TAB3: variants seen among roughly 807,000 people sequenced by gnomAD.
TAB3 encodes TGF-beta-activated kinase 1 and MAP3K7-binding protein 3.
Under a neutral mutation model 48.1 loss-of-function variants are expected in TAB3, and 18 were observed. That is an observed-to-expected ratio of 0.37 (90% CI 0.26 to 0.55). TAB3 has a LOEUF of 0.55. Among genes scored for constraint, TAB3 ranks in the 20% least tolerant of loss-of-function variants. The probability of loss-of-function intolerance (pLI) is 0.78; values close to 1 mark genes in which losing one functional copy is unlikely to be tolerated. For missense variants in TAB3, 414 were observed against 549.8 expected (o/e 0.75, Z 2.47); for synonymous variants, 185 against 190.2 (o/e 0.97, Z 0.22).
At chrX:30,863,622 T>C (rs749293275) in intron 4 of TAB3, among the ~76,000 whole-genome samples, 1 of 112,218 alleles carries the variant, frequency 8.9e-6, no homozygotes, top group Non-Finnish European at 1.9e-5. Context: ...CCATATTACA[T>C]GCCTGCTCTT....
chrX:30,830,508 G>C lies in TAB3; in HGVS notation c.*919C>G, dbSNP rs995396733. The C allele has an allele frequency of 8.9e-6, 1 of 112,061 alleles. No homozygotes were observed. The highest frequency in any genetic ancestry group is 1.9e-5 in the Non-Finnish European group (1 of 53,181). 9.2% of individuals were successfully genotyped at this position (112,061 alleles called of 1,213,427 possible). A position where few individuals can be genotyped will look rare whatever the true frequency, so the allele number is the denominator to read the frequency against. ...GTTTAAGAACCACAGCTGAGCTCAA[G>C]ATTTCCAAATGGATTTTGGAATGGA... On this transcript the variant is annotated 3_prime_UTR_variant, in exon 11 of 11. Coordinates refer to ENST00000288422, the MANE Select transcript of TAB3 (RefSeq NM_152787.5).
chrX:30,874,618 C>A (rs778595174), intron 1 of TAB3, among the ~76,000 whole-genome samples: 42 of 112,203 alleles, frequency 3.7e-4, no homozygotes, highest in African/African-American at 1.3e-3. Flanking sequence ...AAGTGAGTAG[C>A]AAGGATGTTG....
intron 2 of TAB3, among the ~76,000 whole-genome samples, chrX:30,871,297 C>T (rs1939655934): frequency 8.9e-6 from 1 of 112,256 alleles, no homozygotes; most frequent in South Asian, 3.7e-4. Flanking sequence ...TTGGAAGATT[C>T]GTATATCCCA....
At position 30,854,163 on chromosome X, in the gene TAB3, T is replaced by C; in HGVS notation, c.1502A>G (p.Tyr501Cys). ...TGATCCAGAACTAGAACTTCTCTGA[T>C]ATTTATGGCTTCCCTTTTCTCCCCC... Reference protein sequence around the residue: ...GSGGEKGSHKYQRSSSSGSDD... With the variant: ...GSGGEKGSHKCQRSSSSGSDD... Residue 501 changes from tyrosine to cysteine, a missense_variant, in exon 6 of 11, where the codon TAT becomes TGT. Transcript: ENST00000288422. 1 of 1,209,054 alleles carries C rather than the reference T, an allele frequency of 8.3e-7. No homozygotes were observed. The highest frequency in any genetic ancestry group is 1.1e-6 in the Non-Finnish European group (1 of 894,573).
chrX:30,868,538 TTATATATATA>T (rs1223730766), intron 2 of TAB3, among the ~76,000 whole-genome samples: 35 of 2,235 alleles, frequency 0.016, 11 homozygotes, highest in African/African-American at 0.091. Flanking sequence ...TATATATAGC[TTATATATATA>T]TATATATATA....
chrX:30,848,511 G>C (rs113911527), intron 7 of TAB3, among the ~76,000 whole-genome samples: 3,017 of 111,150 alleles, frequency 0.027, 121 homozygotes, highest in African/African-American at 0.094. Context: ...AACAGAGTGA[G>C]ACTCTGTCTC....
chrX:30,869,463 T>G lies in TAB3; in HGVS notation c.-279-1914A>C, dbSNP rs751841047. On this transcript the variant is annotated intron_variant, in intron 2 of 10. Transcript: ENST00000288422. ...GCCTATAAAAGTCACTGTGTGTTGA[T>G]TATCACTTTCAGCACTTAGTATATT... Among the ~76,000 whole-genome samples the G allele has an allele frequency of 1.2e-4, 13 of 112,499 alleles. No homozygotes were observed. In the South Asian group the frequency reaches 4.4e-3, roughly 38 times the overall value.
At chrX:30,846,337 A>G in intron 8 of TAB3, 1 of 361,349 alleles carries the variant, frequency 2.8e-6, no homozygotes. Flanking sequence ...AGAACAGTCT[A>G]AATGATAAGA....
rs944906623 is a variant in TAB3, at chrX:30,830,216, G to A, written c.*1211C>T. The A allele has an allele frequency of 3.6e-5, 4 of 111,967 alleles. No individual in the cohort carries two copies. Among genetic ancestry groups the A allele is most frequent in the Non-Finnish European group, 7.5e-5 (4 of 53,164 alleles). The allele number at this position is 111,967 out of a possible 1,213,427, so 9.2% of individuals were successfully genotyped here. On this transcript the variant is annotated 3_prime_UTR_variant, in exon 11 of 11. Coordinates refer to ENST00000288422, the MANE Select transcript of TAB3 (RefSeq NM_152787.5). Reference sequence around the variant, plus strand: ...ACAGTTATGTTAAATTTTAAAAGTTGTTTCAAAGTCCTCTATATTCACCTT... The same window carrying A: ...ACAGTTATGTTAAATTTTAAAAGTTATTTCAAAGTCCTCTATATTCACCTT...
intron 1 of TAB3, 148 bp from the exon 2 acceptor site, chrX:30,871,949 T>C (rs1045278677): frequency 8.9e-6 from 1 of 112,534 alleles, no homozygotes; most frequent in Non-Finnish European, 1.9e-5. Context: ...ATGAAACTTA[T>C]GTTTAATTGA....
intron 7 of TAB3, among the ~76,000 whole-genome samples, chrX:30,850,824 C>G (rs1601813785): frequency 2.4e-5 from 2 of 84,490 alleles, no homozygotes; most frequent in Admixed American, 2.9e-4. Flanking sequence ...CTACATTAGA[C>G]AGTTCTCCAC....
At chrX:30,871,174 A>G (rs1330823340) in intron 2 of TAB3, among the ~76,000 whole-genome samples, 1 of 112,516 alleles carries the variant, frequency 8.9e-6, no homozygotes, top group Non-Finnish European at 1.9e-5. Flanking sequence ...TATGGTTACA[A>G]TACCACTAAC....
At chrX:30,866,963 C>T (rs982453831) in intron 4 of TAB3, among the ~76,000 whole-genome samples, 152 bp downstream of exon 4, 1 of 109,434 alleles carries the variant, frequency 9.1e-6, no homozygotes, top group Non-Finnish European at 1.9e-5. Context: ...AGTGATAAGT[C>T]ACGTTGATAG....
intron 1 of TAB3, among the ~76,000 whole-genome samples, chrX:30,873,028 CAG>C (rs1039673520): frequency 1.8e-5 from 2 of 111,845 alleles, no homozygotes; most frequent in East Asian, 2.8e-4. Flanking sequence ...TGAAAAAAAG[CAG>C]AGAGGATTGT....
chrX:30,856,392 G>C (rs1277134230), intron 5 of TAB3, among the ~76,000 whole-genome samples: 3 of 112,102 alleles, frequency 2.7e-5, no homozygotes, highest in Non-Finnish European at 5.6e-5. Flanking sequence ...GGAGGTAATA[G>C]CAAACTGACA....
At chrX:30,839,012 T>C (rs1478137819) in intron 9 of TAB3, among the ~76,000 whole-genome samples, 1 of 110,257 alleles carries the variant, frequency 9.1e-6, no homozygotes, top group Non-Finnish European at 1.9e-5. Context: ...TCTTACTGCA[T>C]GGGCTAGGAA....
chrX:30,831,264 AT>A lies in TAB3; in HGVS notation c.*162del. On this transcript the variant is annotated 3_prime_UTR_variant, in exon 11 of 11. Coordinates refer to ENST00000288422, the MANE Select transcript of TAB3 (RefSeq NM_152787.5). The stretch of plus-strand genomic sequence containing the variant: ...GAAAGGAGAAAAAAAAGACCTCCCC[AT>A]TTTTCCTTTCGTGAGCACAACGACG... 1.9e-6 allele frequency: 1 copy of A among 532,051 alleles called. No homozygotes were observed. The highest frequency in any genetic ancestry group is 2.8e-6 in the Non-Finnish European group (1 of 352,954). 43.8% of individuals were successfully genotyped at this position (532,051 alleles called of 1,213,427 possible). A position where few individuals can be genotyped will look rare whatever the true frequency, so the allele number is the denominator to read the frequency against.
At chrX:30,834,224 G>T in intron 9 of TAB3, 72 bp from the exon 10 acceptor site, 1 of 955,281 alleles carries the variant, frequency 1.0e-6, no homozygotes, top group Admixed American at 2.5e-5. Context: ...AGGCTCACAA[G>T]ATCTTTCAAG....
chrX:30,887,097 G>A (rs5927635), intron 1 of TAB3, among the ~76,000 whole-genome samples: 23,983 of 111,648 alleles, frequency 0.21, 2,002 homozygotes, highest in Admixed American at 0.34. Flanking sequence ...AGAAGGCAGG[G>A]ATGTGTATGT....
Sources: allele counts gnomAD v4.1 joint callset (sites outside exome capture counted in the v4.1 genomes callset), GRCh38; gene constraint gnomAD v4.1.1; transcripts MANE v1.5; gene names NCBI Gene and HGNC (gene_info 2026-07-23, HGNC 2026-07-21).